The following STPG2 variants were observed in gnomAD, a reference collection of about 807,000 sequenced individuals.
STPG2 encodes sperm tail PG-rich repeat containing 2.
Under a neutral mutation model 54.2 loss-of-function variants are expected in STPG2, and 56 were observed. The ratio of observed to expected loss-of-function variants is 1.03; its 90% CI spans 0.83 to 1.29. STPG2 has a LOEUF of 1.29. STPG2 is among the 50% of genes most tolerant of loss of function. The probability of loss-of-function intolerance (pLI) is 0.00; values close to 1 mark genes in which losing one functional copy is unlikely to be tolerated. For synonymous variants in STPG2, 200 were observed against 181.8 expected (o/e 1.10, Z -0.81); for missense variants, 596 against 544.9 (o/e 1.09, Z -0.93).
At position 97,486,803 on chromosome 4, in the gene STPG2, T is replaced by TGG. The variant is rs1388133420; in HGVS notation, c.462+225894_462+225895dup. The stretch of plus-strand genomic sequence containing the variant: ...AATCAATGAGTGGATAAAGAAACTG[T>TGG]GGTGTGTGTGTGTGTGTGTGTGTGT... On this transcript the variant is annotated intron_variant, in intron 4 of 4. Coordinates refer to the STPG2 transcript ENST00000522676. Among the ~76,000 whole-genome samples, 1,237 of 124,724 alleles carry TGG rather than the reference T, an allele frequency of 9.9e-3. 19 individuals carry two copies. The highest frequency in any genetic ancestry group is 0.038 in the African/African-American group (1,184 of 31,568). The allele number at this position is 124,724 out of a possible 152,430, so 81.8% of individuals were successfully genotyped here. A position where few individuals can be genotyped will look rare whatever the true frequency, so the allele number is the denominator to read the frequency against.
intron 3 of STPG2, among the ~76,000 whole-genome samples, chr4:98,119,342 G>A (rs1464892087): frequency 6.6e-6 from 1 of 151,578 alleles, no homozygotes; most frequent in African/African-American, 2.4e-5. Flanking sequence ...ACCCATAACT[G>A]AAGCATATTC....
chr4:97,561,367 T>G (rs762259684), intron 10 of STPG2, among the ~76,000 whole-genome samples: 3 of 152,160 alleles, frequency 2.0e-5, no homozygotes, highest in African/African-American at 4.8e-5. Context: ...AGATAAGTAG[T>G]TTGCGAAAAT....
At chr4:97,955,405 C>T (rs571113385) in intron 7 of STPG2, among the ~76,000 whole-genome samples, 9 of 151,856 alleles carry the variant, frequency 5.9e-5, no homozygotes, top group East Asian at 1.9e-4. Flanking sequence ...TTAGTAGAGA[C>T]GGGGTTTCAC....
chr4:97,755,182 T>G (rs1211196575), intron 9 of STPG2, among the ~76,000 whole-genome samples: 1 of 152,194 alleles, frequency 6.6e-6, no homozygotes, highest in Non-Finnish European at 1.5e-5. Context: ...CAGGCATCTT[T>G]AATTATATTT....
chr4:97,884,708 G>C (rs760843132), intron 8 of STPG2, among the ~76,000 whole-genome samples: 1 of 151,862 alleles, frequency 6.6e-6, no homozygotes, highest in Non-Finnish European at 1.5e-5. Context: ...AAGAAGCAAA[G>C]AAAAAGTAAG....
chr4:97,512,791 T>A (rs1489687728), intron 4 of STPG2, among the ~76,000 whole-genome samples: 3 of 152,070 alleles, frequency 2.0e-5, no homozygotes, highest in Non-Finnish European at 2.9e-5. Flanking sequence ...AAAATCTTTT[T>A]TTCATACTAT....
intron 8 of STPG2, among the ~76,000 whole-genome samples, chr4:97,913,454 T>C (rs1000596397): frequency 2.0e-5 from 3 of 152,176 alleles, no homozygotes; most frequent in African/African-American, 7.2e-5. Flanking sequence ...AGTATGAATA[T>C]GTCTGAAGTC....
intron 10 of STPG2, among the ~76,000 whole-genome samples, chr4:97,696,973 T>A (rs1017564306): frequency 6.6e-6 from 1 of 152,188 alleles, no homozygotes; most frequent in Non-Finnish European, 1.5e-5. Flanking sequence ...TTGGGAAGAT[T>A]GCATTGCAGA....
At chr4:97,859,097 T>C (rs1325379895) in intron 8 of STPG2, among the ~76,000 whole-genome samples, 4 of 152,148 alleles carry the variant, frequency 2.6e-5, no homozygotes, top group African/African-American at 9.7e-5. Flanking sequence ...CTTGCAGGAG[T>C]AAGGTGGAAT....
At chr4:97,981,074 A>G in intron 6 of STPG2, 85 bp downstream of exon 6, 1 of 1,412,650 alleles carries the variant, frequency 7.1e-7, no homozygotes, top group Non-Finnish European at 9.5e-7. Context: ...AAAAGAAAAC[A>G]TACTCTCTGG....
rs199976095 is a variant in STPG2 at position 97,963,730 on chromosome 4, TAC to T, written c.933+8548_933+8549del. On this transcript the variant is annotated intron_variant, in intron 7 of 10. Coordinates refer to ENST00000295268, the MANE Select transcript of STPG2 (RefSeq NM_174952.3). ...CATATATATGTATTTGAAATATACATACACACATATATATTTATTTATACTTA... is the reference window on the plus strand; with the variant it reads ...CATATATATGTATTTGAAATATACATACACATATATATTTATTTATACTTA... Among the ~76,000 whole-genome samples the T allele has an allele frequency of 2.1e-3, 318 of 151,754 alleles. 5 individuals are homozygous for T. The East Asian group carries it at 0.035, about 17-fold the overall frequency.
intron 3 of STPG2, among the ~76,000 whole-genome samples, chr4:98,125,173 A>G (rs13108535): frequency 0.4 from 60,131 of 152,052 alleles, 12,139 homozygotes; most frequent in Middle Eastern, 0.46. Flanking sequence ...GCCTACTTCT[A>G]TCAATTCATC....
chr4:97,755,672 A>G (rs1725704909), intron 9 of STPG2, among the ~76,000 whole-genome samples: 1 of 152,204 alleles, frequency 6.6e-6, no homozygotes, highest in Non-Finnish European at 1.5e-5. Context: ...TAAAGAAATG[A>G]GCTAAACCTT....
chr4:97,539,251 T>C (rs895593328), intron 4 of STPG2, among the ~76,000 whole-genome samples: 6 of 152,084 alleles, frequency 3.9e-5, no homozygotes, highest in African/African-American at 7.2e-5. Flanking sequence ...GACTGGTAAA[T>C]TGGATAAAGA....
chr4:97,764,647 G>C (rs544677349), intron 9 of STPG2, among the ~76,000 whole-genome samples: 1 of 152,272 alleles, frequency 6.6e-6, no homozygotes, highest in South Asian at 2.1e-4. Context: ...TATACAAGAA[G>C]AGGGTGGAGT....
At chr4:97,540,985 T>G (rs1731686089) in intron 4 of STPG2, among the ~76,000 whole-genome samples, 2 of 152,072 alleles carry the variant, frequency 1.3e-5, no homozygotes, top group Admixed American at 1.3e-4. Context: ...TAATAAGAGG[T>G]ATTTATGACA....
At chr4:97,605,955 T>C (rs1040954485) in intron 10 of STPG2, among the ~76,000 whole-genome samples, 3 of 151,904 alleles carry the variant, frequency 2.0e-5, no homozygotes, top group African/African-American at 4.8e-5. Flanking sequence ...GTGAGTTTTA[T>C]AGGTGTCATA....
chr4:98,022,287 G>A (rs1367760948), intron 5 of STPG2, among the ~76,000 whole-genome samples: 2 of 150,956 alleles, frequency 1.3e-5, no homozygotes, highest in African/African-American at 4.8e-5. Context: ...AGCTTAGTTT[G>A]GCTGGATATG....
chr4:97,453,625 G>C lies in STPG2; in HGVS notation c.462+259074C>G, dbSNP rs114566315. Among the ~76,000 whole-genome samples, 1,374 of 152,334 alleles carry C rather than the reference G, an allele frequency of 9.0e-3. 19 individuals are homozygous for C. The highest frequency in any genetic ancestry group is 0.031 in the African/African-American group (1,269 of 41,568). On this transcript the variant is annotated intron_variant, in intron 4 of 4. Coordinates refer to the STPG2 transcript ENST00000522676. The stretch of plus-strand genomic sequence containing the variant: ...GCAATAGACTGAAAGGAGGGTAAGA[G>C]AGTCAATTCAGGCCTCCTGTTTCCC...
Sources: allele counts gnomAD v4.1 joint callset (sites outside exome capture counted in the v4.1 genomes callset), GRCh38; gene constraint gnomAD v4.1.1; transcripts MANE v1.5; gene names NCBI Gene and HGNC (gene_info 2026-07-23, HGNC 2026-07-21).